The following ADGRV1 variants were observed in gnomAD, a reference collection of about 807,000 sequenced individuals.
The protein encoded by ADGRV1 is G-protein coupled receptor 98.
A neutral mutation model predicts 596.2 loss-of-function variants in ADGRV1; 359 were observed. The observed-to-expected ratio is 0.60, with a 90% CI of 0.55 to 0.66. The LOEUF is 0.66. Ranked by LOEUF, ADGRV1 falls within the 30% of genes least tolerant of loss-of-function variation. The probability of loss-of-function intolerance (pLI) is 0.00; values close to 1 mark genes in which losing one functional copy is unlikely to be tolerated. For missense variants in ADGRV1, 7,274 were observed against 7,575.6 expected, an observed-to-expected ratio of 0.96 and a Z score of 1.48; for synonymous variants, 2,681 against 2,679.2, an observed-to-expected ratio of 1.00 and a Z score of -0.02.
Position 90,745,799 on chromosome 5 carries a change from A to T in ADGRV1, c.10974+4A>T. 6 of 1,524,936 alleles carry T rather than the reference A, an allele frequency of 3.9e-6. No individual in the cohort carries two copies. Among genetic ancestry groups the T allele is most frequent in the Non-Finnish European group, 5.4e-6 (6 of 1,101,266 alleles). 94.5% of individuals were successfully genotyped at this position (1,524,936 alleles called of 1,614,324 possible). On this transcript the variant is annotated splice_donor_region_variant and intron_variant, in intron 52 of 89. Coordinates refer to ENST00000405460, the MANE Select transcript of ADGRV1 (RefSeq NM_032119.4). The stretch of plus-strand genomic sequence containing the variant: ...TGGAATTGTTGCATTTGCTCAGGTA[A>T]TGATACTGAAGACCCCACACTTGCA...
chr5:90,874,481 C>T (rs1320193896), intron 83 of ADGRV1, among the ~76,000 whole-genome samples: 1 of 152,034 alleles, frequency 6.6e-6, no homozygotes, highest in Non-Finnish European at 1.5e-5. Flanking sequence ...ATGTCAACTC[C>T]ATTAGATCAG....
chr5:90,866,876 G>T lies in ADGRV1; in HGVS notation c.17856+3019G>T, dbSNP rs187066833. Among the ~76,000 whole-genome samples, 102 of 152,140 alleles carry T rather than the reference G, an allele frequency of 6.7e-4. 1 individual carries two copies. The highest frequency in any genetic ancestry group is 4.4e-4 in the Non-Finnish European group (30 of 67,990). ...CTCTATTTTCAGTTTATCAAAAAATGTACATATTTCTTCAATACCAAGTTA... is the reference window on the plus strand; with the variant it reads ...CTCTATTTTCAGTTTATCAAAAAATTTACATATTTCTTCAATACCAAGTTA... On this transcript the variant is annotated intron_variant, in intron 83 of 89. Coordinates refer to ENST00000405460, the MANE Select transcript of ADGRV1 (RefSeq NM_032119.4).
intron 85 of ADGRV1, among the ~76,000 whole-genome samples, chr5:91,041,075 G>T (rs1212492386): frequency 6.6e-6 from 1 of 152,194 alleles, no homozygotes; most frequent in Non-Finnish European, 1.5e-5. Flanking sequence ...GGAAGACAGT[G>T]TGGCAATTCC....
At chr5:90,649,490 A>G (rs886715653) in intron 17 of ADGRV1, among the ~76,000 whole-genome samples, 2 of 150,134 alleles carry the variant, frequency 1.3e-5, no homozygotes, top group African/African-American at 2.4e-5. Context: ...GGGAACTGAC[A>G]TTTTTTTTTC....
chr5:90,739,266 T>G (rs1188739607), intron 50 of ADGRV1, among the ~76,000 whole-genome samples: 6 of 152,210 alleles, frequency 3.9e-5, no homozygotes, highest in African/African-American at 1.4e-4. Flanking sequence ...AGAGAATTAT[T>G]CTGAATTTTT....
At chr5:90,805,624 G>A (rs1009389245) in intron 72 of ADGRV1, among the ~76,000 whole-genome samples, 166 bp downstream of exon 72, 1 of 152,162 alleles carries the variant, frequency 6.6e-6, no homozygotes, top group Non-Finnish European at 1.5e-5. Flanking sequence ...GTGAGAAAAG[G>A]AGAGAAGCTT....
chr5:90,762,105 A>G (rs1463555799), intron 58 of ADGRV1, among the ~76,000 whole-genome samples: 1 of 152,208 alleles, frequency 6.6e-6, no homozygotes, highest in African/African-American at 2.4e-5. Context: ...AGCCCTGAGA[A>G]TAGCAGAGAC....
At chr5:90,565,822 T>C (rs12332758) in intron 1 of ADGRV1, among the ~76,000 whole-genome samples, 10,202 of 152,240 alleles carry the variant, frequency 0.067, 1,023 homozygotes, top group African/African-American at 0.23. Context: ...ATGAGAGTTT[T>C]GATTTCTCTC....
intron 71 of ADGRV1, among the ~76,000 whole-genome samples, chr5:90,803,752 C>G (rs1761631141): frequency 6.6e-6 from 1 of 151,474 alleles, no homozygotes; most frequent in Non-Finnish European, 1.5e-5. Flanking sequence ...ACCTCCTCTT[C>G]TTTAAGAGTG....
intron 83 of ADGRV1, among the ~76,000 whole-genome samples, chr5:90,874,445 T>C (rs183149520): frequency 2.8e-4 from 42 of 152,322 alleles, no homozygotes; most frequent in African/African-American, 9.4e-4. Context: ...TATTGTATTC[T>C]GTCTCCTTTT....
intron 17 of ADGRV1, among the ~76,000 whole-genome samples, chr5:90,650,312 A>G (rs1215709760): frequency 6.6e-6 from 1 of 152,234 alleles, no homozygotes; most frequent in African/African-American, 2.4e-5. Context: ...CCACTGGGAC[A>G]TGTTTCATTA....
At chr5:90,966,145 A>G (rs1433879935) in intron 84 of ADGRV1, among the ~76,000 whole-genome samples, 1 of 152,218 alleles carries the variant, frequency 6.6e-6, no homozygotes, top group African/African-American at 2.4e-5. Context: ...TAGTGGTAAC[A>G]GAAATTACGA....
intron 11 of ADGRV1, among the ~76,000 whole-genome samples, chr5:90,642,347 T>C (rs1401486420): frequency 2.0e-5 from 3 of 152,188 alleles, no homozygotes; most frequent in African/African-American, 7.2e-5. Context: ...ATAAAATATA[T>C]TGATAACATT....
chr5:90,581,664 A>G (rs1450383516), intron 1 of ADGRV1, among the ~76,000 whole-genome samples: 1 of 152,066 alleles, frequency 6.6e-6, no homozygotes, highest in Non-Finnish European at 1.5e-5. Context: ...GTCGGCCCCT[A>G]CTGGGAGGTG....
In ADGRV1 at chr5:90,628,636, A is replaced by G. The variant is rs1422074852; in HGVS notation, c.1313A>G (p.Asn438Ser). Reference protein sequence around the residue: ...NVSANWVLTRNSTDPSPVTAD... With the variant: ...NVSANWVLTRSSTDPSPVTAD... ...TCTGCGAATTGGGTGTTGACACGGA[A>G]CAGCACTGATCCCTCACCAGTAACA... is the stretch of plus-strand genomic sequence containing the variant. Residue 438 changes from asparagine to serine, a missense_variant, in exon 8 of 90, where the codon AAC (asparagine) becomes AGC (serine). Asn to Ser is a conservative substitution (Grantham distance 46). This residue lies in a region of ADGRV1 where 1,715 missense variants were observed against 1,708.8 expected (regional missense o/e 1.00). Coordinates refer to ENST00000405460, the MANE Select transcript of ADGRV1 (RefSeq NM_032119.4). 6.2e-7 allele frequency: 1 copy of G among 1,613,924 alleles called. No individual in the cohort carries two copies. The highest frequency in any genetic ancestry group is 1.1e-5 in the South Asian group (1 of 91,086).
Position 90,985,813 on chromosome 5 carries a change from G to A in ADGRV1, c.18152+291G>A, listed in dbSNP as rs115445356. ...CAAACTAATATTTAGCAAAATCAGG[G>A]CACTATGAAATTTTTGATAAAGAAT... On this transcript the variant is annotated intron_variant, in intron 85 of 89. Transcript: ENST00000405460. Among the ~76,000 whole-genome samples, 1,287 of 152,064 alleles carry A rather than the reference G, an allele frequency of 8.5e-3. 8 individuals carry two copies. Among genetic ancestry groups the A allele is most frequent in the African/African-American group, 0.028 (1,142 of 41,466 alleles).
chr5:91,123,846 C>T (rs995244950), intron 87 of ADGRV1, among the ~76,000 whole-genome samples: 11 of 152,068 alleles, frequency 7.2e-5, no homozygotes, highest in Non-Finnish European at 1.2e-4. Flanking sequence ...TGCAAAAATG[C>T]CTGCCCTTGA....
At chr5:91,034,979 C>G (rs1784749762) in intron 85 of ADGRV1, among the ~76,000 whole-genome samples, 1 of 152,096 alleles carries the variant, frequency 6.6e-6, no homozygotes, top group South Asian at 2.1e-4. Context: ...ACTCTTTTGA[C>G]CAGGCTATTC....
intron 83 of ADGRV1, among the ~76,000 whole-genome samples, chr5:90,892,283 TTC>T (rs1187289373): frequency 2.0e-5 from 3 of 152,080 alleles, no homozygotes; most frequent in Non-Finnish European, 4.4e-5. Flanking sequence ...TTCTAGTACT[TTC>T]TGATTCAAAT....
Sources: gnomAD v4.1 joint callset for allele counts (sites outside exome capture counted in the v4.1 genomes callset) on GRCh38, gnomAD v4.1.1 for gene constraint, gnomAD v4.1.1 regional missense constraint, MANE v1.5 for transcripts, NCBI Gene and HGNC (gene_info 2026-07-23, HGNC 2026-07-21) for gene names.